Variants in ADCY9 observed in about 807,000 individuals in gnomAD.
ADCY9 encodes the protein adenylate cyclase 9.
In ADCY9, 50 loss-of-function variants were observed where a neutral mutation model predicts 101.5. The ratio of observed to expected loss-of-function variants is 0.49; its 90% CI spans 0.39 to 0.62. The LOEUF is 0.62. Among genes scored for constraint, ADCY9 ranks in the 20% least tolerant of loss-of-function variants. ADCY9 has a pLI of 0.00. For synonymous variants in ADCY9, 905 were observed against 769.3 expected (o/e 1.18, Z -2.92); for missense variants, 1,662 against 1,800.4 (o/e 0.92, Z 1.39).
At chr16:3,961,634 C>T (rs557329911), downstream of ADCY9, among the ~76,000 whole-genome samples, 7 of 152,188 alleles carry the variant, frequency 4.6e-5, no homozygotes, top group East Asian at 5.8e-4. Context: ...GGAGGCTGCA[C>T]CCCCGCAAGT....
Position 3,965,380 on chromosome 16 carries a change from T to C in ADCY9, c.*395A>G, listed in dbSNP as rs1272515851. The C allele has an allele frequency of 1.3e-5, 3 of 225,198 alleles. No homozygotes were observed. Among genetic ancestry groups the C allele is most frequent in the Admixed American group, 5.2e-5 (1 of 19,372 alleles). 13.9% of individuals were successfully genotyped at this position (225,198 alleles called of 1,614,324 possible). On this transcript the variant is annotated 3_prime_UTR_variant, in exon 11 of 11. Coordinates refer to ENST00000294016, the MANE Select transcript of ADCY9 (RefSeq NM_001116.4). ...AGGGTATTAGCCAGAGAACCGAAAATAGTGTCTCGTGGGACGTGGGAAAAA... is the reference window on the plus strand; with the variant it reads ...AGGGTATTAGCCAGAGAACCGAAAACAGTGTCTCGTGGGACGTGGGAAAAA...
intron 10 of ADCY9, among the ~76,000 whole-genome samples, chr16:3,971,915 G>A (rs893740689): frequency 6.6e-6 from 1 of 152,160 alleles, no homozygotes; most frequent in African/African-American, 2.4e-5. Flanking sequence ...GACTCGAGAC[G>A]GGCGCAGGCC....
chr16:4,113,172 T>A (rs76158996), intron 2 of ADCY9, among the ~76,000 whole-genome samples: 27,111 of 146,988 alleles, frequency 0.18, 2,538 homozygotes, highest in African/African-American at 0.25. Context: ...AAACTTTTTT[T>A]AAAAAAAAAA....
At chr16:4,053,817 C>G (rs554315854) in intron 2 of ADCY9, among the ~76,000 whole-genome samples, 7 of 152,068 alleles carry the variant, frequency 4.6e-5, no homozygotes, top group Admixed American at 4.6e-4. Flanking sequence ...AGCTCCCAGA[C>G]GACTCTTTCT....
At chr16:3,969,440 T>A (rs374257233) in intron 10 of ADCY9, among the ~76,000 whole-genome samples, 13 of 146,718 alleles carry the variant, frequency 8.9e-5, no homozygotes, top group African/African-American at 3.3e-4. Context: ...GGTTTCACCA[T>A]GTTGGCTGGG....
chr16:4,018,951 T>TTTGTGTGTGTGTGTGTGTGTGTGTGTGTG (rs1555509531), intron 2 of ADCY9, among the ~76,000 whole-genome samples: 5 of 138,834 alleles, frequency 3.6e-5, no homozygotes, highest in African/African-American at 5.3e-5. Context: ...AGAATCGCAG[T>TTTGTGTGTGTGTGTGTGTGTGTGTGTGTG]TGTGTGTGTG....
intron 9 of ADCY9, among the ~76,000 whole-genome samples, chr16:3,976,793 G>A (rs1203125866): frequency 6.6e-6 from 1 of 152,120 alleles, no homozygotes; most frequent in East Asian, 1.9e-4. Flanking sequence ...AAGTAGCTGC[G>A]ATTACAGGTG....
chr16:3,991,592 C>T (rs2056244120), intron 5 of ADCY9, among the ~76,000 whole-genome samples: 1 of 151,914 alleles, frequency 6.6e-6, no homozygotes, highest in African/African-American at 2.4e-5. Flanking sequence ...AAAAACCCAT[C>T]TCTACTAAAA....
At chr16:4,051,696 G>A (rs2056703026) in intron 2 of ADCY9, among the ~76,000 whole-genome samples, 1 of 152,132 alleles carries the variant, frequency 6.6e-6, no homozygotes, top group South Asian at 2.1e-4. Context: ...TAAAATAGGA[G>A]TCTATGAGTG....
chr16:3,993,559 C>T, intron 3 of ADCY9, 49 bp from the exon 4 acceptor site: 1 of 1,600,420 alleles, frequency 6.2e-7, no homozygotes, highest in Non-Finnish European at 8.6e-7. Flanking sequence ...ACCGCGACTG[C>T]CACCCTGAAT....
chr16:4,006,873 G>T (rs1242883366), intron 3 of ADCY9, among the ~76,000 whole-genome samples: 1 of 152,132 alleles, frequency 6.6e-6, no homozygotes, highest in African/African-American at 2.4e-5. Flanking sequence ...ATACTACAAT[G>T]TTCTCGGCAG....
chr16:3,956,146 C>T (rs568395197), intron 5 of ADCY9, among the ~76,000 whole-genome samples: 4 of 151,922 alleles, frequency 2.6e-5, no homozygotes, highest in South Asian at 4.2e-4. Flanking sequence ...GTGATCTTCC[C>T]GTCTCAACCC....
At position 3,965,333 on chromosome 16, in the gene ADCY9, G is replaced by T. The variant is rs1255554785; in HGVS notation, c.*442C>A. The stretch of plus-strand genomic sequence containing the variant: ...GTAGAGGAACACTGTGACATAGACA[G>T]AAACAAAATAAACTCAAAAACAGGG... On this transcript the variant is annotated 3_prime_UTR_variant, in exon 11 of 11. Coordinates refer to ENST00000294016, the MANE Select transcript of ADCY9 (RefSeq NM_001116.4). The T allele has an allele frequency of 5.1e-6, 1 of 196,468 alleles. No homozygotes were observed. Among genetic ancestry groups the T allele is most frequent in the African/African-American group, 2.4e-5 (1 of 42,518 alleles). 12.2% of individuals were successfully genotyped at this position (196,468 alleles called of 1,614,324 possible). A position where few individuals can be genotyped will look rare whatever the true frequency, so the allele number is the denominator to read the frequency against.
At chr16:4,021,632 C>G (rs920547456) in intron 2 of ADCY9, among the ~76,000 whole-genome samples, 3 of 152,214 alleles carry the variant, frequency 2.0e-5, no homozygotes, top group Non-Finnish European at 4.4e-5. Flanking sequence ...GGGAGGCCAC[C>G]CCCTGCAGCT....
At chr16:4,110,825 C>T (rs149876163) in intron 2 of ADCY9, among the ~76,000 whole-genome samples, 3 of 152,302 alleles carry the variant, frequency 2.0e-5, no homozygotes, top group Non-Finnish European at 4.4e-5. Flanking sequence ...GTGGCCATGG[C>T]GACAGTAAAC....
rs750404297 is a variant in ADCY9, at chr16:4,114,792, G to A, written c.651C>T (p.Cys217=). Residue 217 remains cysteine (C), a synonymous_variant, in exon 2 of 11, where the codon TGC becomes TGT. Transcript: ENST00000294016. The surrounding 1 kb of genome is among the most constrained non-coding windows in gnomAD (Gnocchi z 4.3). The stretch of plus-strand genomic sequence containing the variant: ...TGGAGAAGCTCCCCACTTGAGATAA[G>A]CAAGTATCTGTGGGCCGGGCTGTGG... ...LTATARPTDT[C]LSQVGSFSMC... 1.9e-6 allele frequency: 3 copies of A among 1,613,326 alleles called. No individual in the cohort carries two copies. The South Asian group carries it at 3.3e-5, about 18-fold the overall frequency.
intron 10 of ADCY9, 42 bp from the exon 11 acceptor site, chr16:3,967,008 G>A: frequency 6.5e-7 from 1 of 1,534,692 alleles, no homozygotes; most frequent in Non-Finnish European, 8.9e-7. Context: ...TTACTGCTCG[G>A]CGCTTCCAAG....
intron 6 of ADCY9, among the ~76,000 whole-genome samples, chr16:3,987,196 G>A (rs922549488): frequency 2.6e-5 from 4 of 152,204 alleles, no homozygotes; most frequent in Non-Finnish European, 4.4e-5. Flanking sequence ...GCCTCGCCGT[G>A]TGCTGGGAGG....
At chr16:4,077,389 C>T (rs1425513308) in intron 2 of ADCY9, among the ~76,000 whole-genome samples, 1 of 152,138 alleles carries the variant, frequency 6.6e-6, no homozygotes, top group Non-Finnish European at 1.5e-5. Context: ...CCCCAACGTC[C>T]TTTAGGAGTA....
Sources: gnomAD v4.1 joint callset for allele counts (sites outside exome capture counted in the v4.1 genomes callset) on GRCh38, gnomAD v4.1.1 for gene constraint, Gnocchi (gnomAD v3.1) non-coding constraint, MANE v1.5 for transcripts, NCBI Gene and HGNC (gene_info 2026-07-23, HGNC 2026-07-21) for gene names.